PCP4: variants seen among roughly 807,000 people sequenced by gnomAD.
PCP4 encodes the protein calmodulin regulator protein PCP4.
A neutral mutation model predicts 10.0 loss-of-function variants in PCP4; 8 were observed. The observed-to-expected ratio is 0.80, with a 90% confidence interval of 0.47 to 1.45. The LOEUF is 1.45. Ranked by LOEUF, PCP4 falls within the 40% of genes most tolerant of loss-of-function variation. PCP4 has a pLI of 0.00. For synonymous variants in PCP4, 21 were observed against 23.0 expected, an observed-to-expected ratio of 0.91 and a Z score of 0.24; for missense variants, 54 against 74.4, an observed-to-expected ratio of 0.73 and a Z score of 1.01.
intron 2 of PCP4, 41 bp downstream of exon 2, chr21:39,898,568 A>G: frequency 6.6e-7 from 1 of 1,520,226 alleles, no homozygotes; most frequent in Non-Finnish European, 9.1e-7. Context: ...CTCTTTTGCC[A>G]TCTGCAGCCC....
In PCP4 at chr21:39,900,921, CTTA is replaced by C. The variant is rs567402164; in HGVS notation, c.61+2398_61+2400del. Among the ~76,000 whole-genome samples the C allele has an allele frequency of 3.3e-3, 502 of 149,866 alleles. 3 individuals are homozygous for C. The highest frequency in any genetic ancestry group is 0.012 in the African/African-American group (487 of 40,714). On this transcript the variant is annotated intron_variant, in intron 2 of 2. Coordinates refer to ENST00000328619, the MANE Select transcript of PCP4 (RefSeq NM_006198.3). ...ATGGAGAAAGTTTTAAATGGTTTTT[CTTA>C]TTAATTTATTAAAAATAAAATAATA...
chr21:39,886,699 T>C (rs1009244467), intron 1 of PCP4, among the ~76,000 whole-genome samples: 1 of 152,218 alleles, frequency 6.6e-6, no homozygotes, highest in African/African-American at 2.4e-5. Flanking sequence ...GACATTTCAC[T>C]GTGAAATCTG....
chr21:39,929,027 T>C lies in PCP4; in HGVS notation c.105T>C (p.Asp35=). 1 of 1,613,306 alleles carries C rather than the reference T, an allele frequency of 6.2e-7. No homozygotes were observed. ...KVQEEFDIDM[D]APETERAAVA... ...AAGAAGAATTTGACATTGACATGGATGCACCAGAGACAGAACGTGCAGCGG... is the reference window on the plus strand; with the variant it reads ...AAGAAGAATTTGACATTGACATGGACGCACCAGAGACAGAACGTGCAGCGG... Residue 35 remains aspartate (D), a synonymous_variant, in exon 3 of 3, where the codon GAT becomes GAC. Transcript: ENST00000328619.
intron 1 of PCP4, 106 bp from the exon 2 acceptor site, chr21:39,898,370 T>C (rs2087467358): frequency 1.1e-6 from 1 of 911,486 alleles, no homozygotes; most frequent in African/African-American, 1.6e-5. Flanking sequence ...TAAAGTAACA[T>C]AGAACTTGAT....
At chr21:39,909,034 C>A (rs1466027418) in intron 2 of PCP4, among the ~76,000 whole-genome samples, 1 of 152,280 alleles carries the variant, frequency 6.6e-6, no homozygotes, top group East Asian at 1.9e-4. Context: ...GGGAATTGCT[C>A]TTTTCTGCAC....
rs113177961 is a variant in PCP4, at chr21:39,929,112, T to C, written c.*1T>C. On this transcript the variant is annotated 3_prime_UTR_variant, in exon 3 of 3. Coordinates refer to ENST00000328619, the MANE Select transcript of PCP4 (RefSeq NM_006198.3). ...GAAGAAGGCTGGGTCTCAGTCCTAG[T>C]GGGAGAACCCCCTCCTAGTCCACCT... is the stretch of plus-strand genomic sequence containing the variant. The C allele has an allele frequency of 6.2e-7, 1 of 1,611,400 alleles. No individual in the cohort carries two copies.
chr21:39,877,412 C>A (rs1166062905), intron 1 of PCP4, among the ~76,000 whole-genome samples: 1 of 151,798 alleles, frequency 6.6e-6, no homozygotes, highest in African/African-American at 2.4e-5. Flanking sequence ...CCTTGTTGGG[C>A]ATGGTGGCTC....
intron 1 of PCP4, among the ~76,000 whole-genome samples, chr21:39,870,081 C>T (rs116290673): frequency 0.01 from 1,569 of 152,308 alleles, 24 homozygotes; most frequent in African/African-American, 0.035. Context: ...ATATACTCCC[C>T]GGGGCCTGCT....
At chr21:39,903,204 C>G (rs1486560521) in intron 2 of PCP4, among the ~76,000 whole-genome samples, 2 of 152,136 alleles carry the variant, frequency 1.3e-5, no homozygotes, top group South Asian at 2.1e-4. Context: ...CGTGATGGGG[C>G]TTACTTTCAG....
chr21:39,902,468 G>T (rs192941022), intron 2 of PCP4, among the ~76,000 whole-genome samples: 1 of 152,222 alleles, frequency 6.6e-6, no homozygotes, highest in Admixed American at 6.5e-5. Context: ...TCATTACATT[G>T]AATATTATCT....
At chr21:39,892,039 G>A (rs566973492) in intron 1 of PCP4, among the ~76,000 whole-genome samples, 50 of 152,314 alleles carry the variant, frequency 3.3e-4, no homozygotes, top group South Asian at 1.7e-3. Context: ...GGAGCAGAGC[G>A]TTCCCTGACT....
chr21:39,892,748 C>T (rs147258394), intron 1 of PCP4, among the ~76,000 whole-genome samples: 91 of 152,126 alleles, frequency 6.0e-4, no homozygotes, highest in African/African-American at 2.1e-3. Flanking sequence ...TTAAAGTGTA[C>T]AGTTATTATT....
At chr21:39,909,014 A>G (rs1201682584) in intron 2 of PCP4, among the ~76,000 whole-genome samples, 1 of 152,198 alleles carries the variant, frequency 6.6e-6, no homozygotes, top group East Asian at 1.9e-4. Context: ...TCCTCCCCCG[A>G]CACAACCAGG....
chr21:39,923,351 G>A (rs1568862657), intron 2 of PCP4, among the ~76,000 whole-genome samples: 1 of 152,324 alleles, frequency 6.6e-6, no homozygotes, highest in East Asian at 1.9e-4. Flanking sequence ...ACTGGTTACA[G>A]TGCAGCATTT....
chr21:39,890,614 C>T (rs920018830), intron 1 of PCP4, among the ~76,000 whole-genome samples: 3 of 152,040 alleles, frequency 2.0e-5, no homozygotes, highest in Non-Finnish European at 4.4e-5. Flanking sequence ...GGTGATCCAC[C>T]CACCTCGGCC....
chr21:39,870,931 GCAAGGCGATGCCCAT>G (rs1289116631), intron 1 of PCP4, among the ~76,000 whole-genome samples: 1 of 152,216 alleles, frequency 6.6e-6, no homozygotes, highest in Admixed American at 6.5e-5. Context: ...TGGCCGCAGG[GCAAGGCGATGCCCAT>G]CAAAGGCATG....
chr21:39,885,530 C>T (rs1223767504), intron 1 of PCP4, among the ~76,000 whole-genome samples: 2 of 152,224 alleles, frequency 1.3e-5, no homozygotes, highest in African/African-American at 4.8e-5. Context: ...AGGGAGGACA[C>T]ATCTCTTCTT....
chr21:39,915,277 G>C (rs8131626), intron 2 of PCP4, among the ~76,000 whole-genome samples: 5,572 of 151,902 alleles, frequency 0.037, 366 homozygotes, highest in African/African-American at 0.13. Context: ...ATACTATGAA[G>C]AAATGACCAC....
At chr21:39,870,825 T>A (rs963548496) in intron 1 of PCP4, among the ~76,000 whole-genome samples, 2 of 152,074 alleles carry the variant, frequency 1.3e-5, no homozygotes, top group African/African-American at 4.8e-5. Flanking sequence ...TAACCCCGAG[T>A]TTCACGGTCA....
Sources: allele counts gnomAD v4.1 joint callset (sites outside exome capture counted in the v4.1 genomes callset), GRCh38; gene constraint gnomAD v4.1.1; transcripts MANE v1.5; gene names NCBI Gene and HGNC (gene_info 2026-07-23, HGNC 2026-07-21).